The following RXFP2 variants were observed in gnomAD, a reference collection of about 807,000 sequenced individuals.
The protein encoded by RXFP2 is relaxin family peptide receptor 2, also known as relaxin receptor 2.
RXFP2 carries 68 observed loss-of-function variants against 88.6 expected under a neutral mutation model. The ratio of observed to expected loss-of-function variants is 0.77; its 90% confidence interval spans 0.63 to 0.94. The LOEUF is 0.94. Ranked by LOEUF, RXFP2 falls within the 40% of genes least tolerant of loss-of-function variation. The pLI is 0.00. For missense variants in RXFP2, 791 were observed against 893.9 expected (o/e 0.88, Z 1.47); for synonymous variants, 329 against 306.8 (o/e 1.07, Z -0.76).
At position 31,789,201 on chromosome 13, in the gene RXFP2, T is replaced by C. The variant is rs79187122; in HGVS notation, c.1145+8T>C. ...GAAGAATCTTTCTCACATGTACGTA[T>C]GTATAAAAAATGGAGGAGGAAGCAT... On this transcript the variant is annotated splice_region_variant and intron_variant, in intron 14 of 17. Coordinates refer to ENST00000298386, the MANE Select transcript of RXFP2 (RefSeq NM_130806.5). 3,384 of 1,568,104 alleles carry C rather than the reference T, an allele frequency of 2.2e-3. 65 individuals are homozygous for C. In the African/African-American group the frequency reaches 0.04, roughly 19 times the overall value.
intron 11 of RXFP2, among the ~76,000 whole-genome samples, chr13:31,783,983 A>ATTTTTTTTTTTTTTTTTTTTTTTTTTTT (rs10686799): frequency 8.2e-6 from 1 of 121,574 alleles, no homozygotes. Flanking sequence ...TGCCTGGCTA[A>ATTTTTTTTTTTTTTTTTTTTTTTTTTTT]TTTTTTTTTT....
At chr13:31,752,780 G>C (rs9548956) in intron 1 of RXFP2, among the ~76,000 whole-genome samples, 12,596 of 152,198 alleles carry the variant, frequency 0.083, 522 homozygotes, top group Middle Eastern at 0.15. Flanking sequence ...GGAGCCGCCC[G>C]GGACAGTGCT....
intron 5 of RXFP2, among the ~76,000 whole-genome samples, chr13:31,768,629 G>T (rs1872635180): frequency 6.6e-6 from 1 of 152,116 alleles, no homozygotes; most frequent in Non-Finnish European, 1.5e-5. Flanking sequence ...CTCAGAATAT[G>T]TTATTATCAA....
At chr13:31,800,465 A>T (rs1007309358) in intron 17 of RXFP2, among the ~76,000 whole-genome samples, 2 of 152,198 alleles carry the variant, frequency 1.3e-5, no homozygotes, top group Non-Finnish European at 2.9e-5. Flanking sequence ...CCAGCTACTC[A>T]GGAGGCTGAG....
At chr13:31,772,594 T>A (rs1380630828) in intron 5 of RXFP2, among the ~76,000 whole-genome samples, 1 of 152,192 alleles carries the variant, frequency 6.6e-6, no homozygotes, top group African/African-American at 2.4e-5. Context: ...GCTACTATTC[T>A]GCAAAGAAGA....
At chr13:31,786,238 C>T in intron 11 of RXFP2, 145 bp from the exon 12 acceptor site, 1 of 720,220 alleles carries the variant, frequency 1.4e-6, no homozygotes, top group South Asian at 1.5e-5. Context: ...ACTCATACGG[C>T]CCTGTTGTGT....
chr13:31,752,553 A>G (rs1363981019), intron 1 of RXFP2, among the ~76,000 whole-genome samples: 5 of 71,818 alleles, frequency 7.0e-5, no homozygotes, highest in African/African-American at 1.3e-4. Context: ...AGTTTGGAAA[A>G]CAACAACAAC....
At chr13:31,764,149 A>G (rs942391532) in intron 3 of RXFP2, among the ~76,000 whole-genome samples, 11 of 152,282 alleles carry the variant, frequency 7.2e-5, no homozygotes, top group African/African-American at 2.6e-4. Context: ...ACAAATATTC[A>G]TAGGCTCAGA....
chr13:31,802,815 A>C lies in RXFP2; in HGVS notation c.*410A>C. ...TGGCCATAATAACAGAAATCTAACA[A>C]CTCTTTCCTTGCCTTTTCAATATCA... On this transcript the variant is annotated 3_prime_UTR_variant, in exon 18 of 18. Transcript: ENST00000298386. 5.7e-6 allele frequency: 1 copy of C among 176,096 alleles called. No homozygotes were observed. Among genetic ancestry groups the C allele is most frequent in the Middle Eastern group, 2.7e-3 (1 of 364 alleles). 10.9% of individuals were successfully genotyped at this position (176,096 alleles called of 1,614,324 possible). A position where few individuals can be genotyped will look rare whatever the true frequency, so the allele number is the denominator to read the frequency against.
In RXFP2 at chr13:31,751,224, G is replaced by A. The variant is rs530755936; in HGVS notation, c.95-7034G>A. Among the ~76,000 whole-genome samples the A allele has an allele frequency of 7.2e-5, 11 of 152,142 alleles. 1 individual carries two copies. The highest frequency in any genetic ancestry group is 2.1e-4 in the South Asian group (1 of 4,820). On this transcript the variant is annotated intron_variant, in intron 1 of 17. Coordinates refer to ENST00000298386, the MANE Select transcript of RXFP2 (RefSeq NM_130806.5). ...GGAGAATCACTTGAACCCTGGAGGC[G>A]GAGGTTGCAGTGAGCCGAGATCATG...
At chr13:31,754,052 G>A (rs1439110583) in intron 1 of RXFP2, among the ~76,000 whole-genome samples, 1 of 152,168 alleles carries the variant, frequency 6.6e-6, no homozygotes, top group Non-Finnish European at 1.5e-5. Flanking sequence ...GGTTCTATTC[G>A]TACATGTTCA....
At chr13:31,761,690 G>T in intron 2 of RXFP2, 34 bp from the exon 3 acceptor site, 1 of 1,440,164 alleles carries the variant, frequency 6.9e-7, no homozygotes, top group South Asian at 1.1e-5. Flanking sequence ...TTAGTTTCTA[G>T]AATAAGTGAC....
rs1874106793 is a variant in RXFP2, at chr13:31,797,367, G to T, written c.1953G>T (p.Trp651Cys). Residue 651 changes from tryptophan to cysteine, a missense_variant, in exon 17 of 18, where the codon TGG becomes TGT. Transcript: ENST00000298386. ...FFIVFSDAIC[W>C]IPVFVVKILS... is the part of the protein sequence containing the mutation. Reference sequence around the variant, plus strand: ...TAGTGTTCTCTGATGCCATCTGCTGGATTCCTGTATTTGTAGTTAAAATCC... The same window carrying T: ...TAGTGTTCTCTGATGCCATCTGCTGTATTCCTGTATTTGTAGTTAAAATCC... The T allele has an allele frequency of 6.2e-7, 1 of 1,613,986 alleles. No homozygotes were observed. Among genetic ancestry groups the T allele is most frequent in the Admixed American group, 1.7e-5 (1 of 60,004 alleles).
chr13:31,789,249 C>T, intron 14 of RXFP2, 56 bp downstream of exon 14: 1 of 1,066,122 alleles, frequency 9.4e-7, no homozygotes, highest in Non-Finnish European at 1.5e-6. Flanking sequence ...CAAATTATCT[C>T]CTGTAAACTG....
intron 7 of RXFP2, among the ~76,000 whole-genome samples, chr13:31,776,744 C>A (rs1873005777): frequency 6.6e-6 from 1 of 152,110 alleles, no homozygotes; most frequent in Admixed American, 6.5e-5. Flanking sequence ...CCGGCCACTG[C>A]AAGTAAGAGG....
chr13:31,761,913 C>A, intron 3 of RXFP2, 112 bp downstream of exon 3: 30 of 672,928 alleles, frequency 4.5e-5, no homozygotes, highest in African/African-American at 5.4e-5. Flanking sequence ...CGTTTTAGTT[C>A]AATGTATTTC....
Position 31,797,208 on chromosome 13 carries a change from C to T in RXFP2, c.1794C>T (p.Asn598=), listed in dbSNP as rs1257120501. The change falls in exon 17 of 18, where the codon AAC becomes AAT. Residue 598 remains asparagine, a synonymous_variant. Coordinates refer to ENST00000298386, the MANE Select transcript of RXFP2 (RefSeq NM_130806.5). ...GTGTGCTTTTCCCAACAGGTGTGAA[C>T]TTGCTGGCTTTTCTCATCATTGTGT... ...GYSLGIFLGV[N]LLAFLIIVFS... The T allele has an allele frequency of 6.2e-7, 1 of 1,611,770 alleles. No individual in the cohort carries two copies. The highest frequency in any genetic ancestry group is 1.1e-5 in the South Asian group (1 of 91,026).
chr13:31,749,241 G>C (rs973958053), intron 1 of RXFP2, among the ~76,000 whole-genome samples: 5 of 152,200 alleles, frequency 3.3e-5, no homozygotes, highest in Admixed American at 1.3e-4. Context: ...TGGTACAAAT[G>C]ATTACATATG....
At position 31,802,471 on chromosome 13, in the gene RXFP2, A is replaced by AAAAGCATTGCAGATGT; in HGVS notation, c.*66_*67insAAAGCATTGCAGATGT. ...AACAGGGGACAGCTTTTGGAAGATG[A>AAAAGCATTGCAGATGT]CATCTGCAATGCTTTTCATCTTTAC... is the stretch of plus-strand genomic sequence containing the variant. On this transcript the variant is annotated 3_prime_UTR_variant, in exon 18 of 18. Coordinates refer to ENST00000298386, the MANE Select transcript of RXFP2 (RefSeq NM_130806.5). The AAAAGCATTGCAGATGT allele has an allele frequency of 6.6e-7, 1 of 1,521,432 alleles. No homozygotes were observed. Among genetic ancestry groups the AAAAGCATTGCAGATGT allele is most frequent in the Non-Finnish European group, 9.1e-7 (1 of 1,102,086 alleles). The allele number at this position is 1,521,432 out of a possible 1,614,324, so 94.2% of individuals were successfully genotyped here.
Sources: gnomAD v4.1 joint callset for allele counts (sites outside exome capture counted in the v4.1 genomes callset) on GRCh38, gnomAD v4.1.1 for gene constraint, MANE v1.5 for transcripts, NCBI Gene and HGNC (gene_info 2026-07-23, HGNC 2026-07-21) for gene names.